RIT2: variants seen among roughly 807,000 people sequenced by gnomAD.
The protein encoded by RIT2 is Ras like without CAAX 2.
RIT2 carries 24 observed loss-of-function variants against 23.7 expected under a neutral mutation model. That is an observed-to-expected ratio of 1.01 (90% confidence interval 0.73 to 1.43). RIT2 has a LOEUF of 1.43. Ranked by LOEUF, RIT2 falls within the 40% of genes most tolerant of loss-of-function variation. The pLI, the probability that RIT2 is intolerant of heterozygous loss-of-function variation, is 0.00. For missense variants in RIT2, 236 were observed against 266.9 expected (o/e 0.88, Z 0.81); for synonymous variants, 107 against 91.1 (o/e 1.17, Z -0.99).
intron 2 of RIT2, among the ~76,000 whole-genome samples, chr18:43,000,981 A>G (rs373920805): frequency 1.3e-5 from 2 of 152,076 alleles, no homozygotes; most frequent in Non-Finnish European, 2.9e-5. Flanking sequence ...AAGCAGAAAT[A>G]TCTGCATTTA....
At chr18:42,921,126 T>C (rs979536562) in intron 4 of RIT2, among the ~76,000 whole-genome samples, 9 of 152,144 alleles carry the variant, frequency 5.9e-5, no homozygotes, top group African/African-American at 2.2e-4. Context: ...GGCTTACAAA[T>C]ACACAGAGTG....
chr18:42,902,692 T>C (rs972051969), intron 4 of RIT2, among the ~76,000 whole-genome samples: 7 of 151,664 alleles, frequency 4.6e-5, no homozygotes, highest in African/African-American at 1.7e-4. Flanking sequence ...TAAATATGTT[T>C]GTGGAAAACT....
chr18:43,090,929 G>A (rs564905867), intron 1 of RIT2, among the ~76,000 whole-genome samples: 163 of 151,950 alleles, frequency 1.1e-3, no homozygotes, highest in African/African-American at 3.1e-3. Flanking sequence ...GGTACTAGAC[G>A]TAATATCTGG....
chr18:42,811,899 G>A (rs963936195), intron 4 of RIT2, among the ~76,000 whole-genome samples: 6 of 152,078 alleles, frequency 3.9e-5, no homozygotes, highest in Admixed American at 1.3e-4. Context: ...TATTTCAAGC[G>A]AGAATTGGGT....
intron 4 of RIT2, among the ~76,000 whole-genome samples, chr18:42,906,859 C>T (rs1252033475): frequency 6.6e-6 from 1 of 152,128 alleles, no homozygotes; most frequent in Non-Finnish European, 1.5e-5. Context: ...TCTTTGTACA[C>T]AACACTCAAG....
At chr18:42,947,066 A>T (rs530511238) in intron 3 of RIT2, among the ~76,000 whole-genome samples, 1 of 152,236 alleles carries the variant, frequency 6.6e-6, no homozygotes, top group African/African-American at 2.4e-5. Flanking sequence ...ATATGTGGAT[A>T]CACTATAGAA....
intron 4 of RIT2, among the ~76,000 whole-genome samples, chr18:42,803,896 A>G (rs1905606730): frequency 6.6e-6 from 1 of 152,224 alleles, no homozygotes. Flanking sequence ...TGGCTAGCAT[A>G]GAACTGGATC....
intron 3 of RIT2, among the ~76,000 whole-genome samples, chr18:42,972,079 A>T (rs763494026): frequency 1.3e-5 from 2 of 151,988 alleles, no homozygotes; most frequent in Non-Finnish European, 2.9e-5. Flanking sequence ...TTCCCAGAGC[A>T]GCCATTTTTT....
chr18:42,965,711 CTTTTTTTTTTTTTT>C (rs58344278), intron 3 of RIT2, among the ~76,000 whole-genome samples: 447 of 37,734 alleles, frequency 0.012, 1 homozygote, highest in African/African-American at 0.04. Context: ...GTACTGATGG[CTTTTTTTTTTTTTT>C]TTTTTTTTTT....
chr18:42,888,960 TC>T (rs1444268443), intron 4 of RIT2, among the ~76,000 whole-genome samples: 3 of 151,956 alleles, frequency 2.0e-5, no homozygotes, highest in Non-Finnish European at 4.4e-5. Flanking sequence ...GGTACTATGC[TC>T]AGTATCAGGG....
chr18:43,085,871 C>T lies in RIT2; in HGVS notation c.103+29546G>A, dbSNP rs114603537. On this transcript the variant is annotated intron_variant, in intron 1 of 4. Coordinates refer to ENST00000326695, the MANE Select transcript of RIT2 (RefSeq NM_002930.4). The stretch of plus-strand genomic sequence containing the variant: ...TGTTCTCATGGTAGTGGACAAGTCT[C>T]ACAGGATCTGATGATTTTATAAATA... Among the ~76,000 whole-genome samples the T allele has an allele frequency of 3.3e-5, 5 of 152,224 alleles. 1 individual carries two copies. The highest frequency in any genetic ancestry group is 1.2e-4 in the African/African-American group (5 of 41,542).
intron 1 of RIT2, among the ~76,000 whole-genome samples, chr18:43,113,239 C>A (rs1913994030): frequency 6.6e-6 from 1 of 152,160 alleles, no homozygotes; most frequent in African/African-American, 2.4e-5. Context: ...ATGATTTTCT[C>A]ACTGTGATTT....
At chr18:42,926,817 G>A (rs938994785) in intron 3 of RIT2, among the ~76,000 whole-genome samples, 6 of 151,906 alleles carry the variant, frequency 3.9e-5, no homozygotes, top group African/African-American at 1.4e-4. Flanking sequence ...CTCTCTGTAT[G>A]AATATATAAC....
intron 2 of RIT2, among the ~76,000 whole-genome samples, chr18:43,019,843 G>A (rs954646314): frequency 1.3e-5 from 2 of 151,450 alleles, no homozygotes; most frequent in Admixed American, 1.3e-4. Flanking sequence ...TAAAGTTGTA[G>A]AATATAAAAT....
At chr18:42,759,760 G>T (rs1227761165) in intron 4 of RIT2, among the ~76,000 whole-genome samples, 7 of 130,690 alleles carry the variant, frequency 5.4e-5, no homozygotes, top group South Asian at 2.6e-4. Flanking sequence ...CACACATACG[G>T]ATATATATAT....
intron 4 of RIT2, among the ~76,000 whole-genome samples, chr18:42,900,093 AC>A (rs1908435098): frequency 6.6e-6 from 1 of 152,066 alleles, no homozygotes; most frequent in Non-Finnish European, 1.5e-5. Flanking sequence ...GTCAATTAGA[AC>A]TTAGAGTACG....
intron 1 of RIT2, among the ~76,000 whole-genome samples, chr18:43,066,079 C>A (rs997764788): frequency 2.0e-5 from 3 of 152,016 alleles, no homozygotes; most frequent in African/African-American, 7.2e-5. Context: ...GGTTTCACAC[C>A]ATAGATTCTA....
intron 2 of RIT2, among the ~76,000 whole-genome samples, chr18:42,980,761 G>A (rs1910581111): frequency 6.6e-6 from 1 of 152,076 alleles, no homozygotes; most frequent in Non-Finnish European, 1.5e-5. Flanking sequence ...AGATTTGCAG[G>A]TACAGAGGAC....
chr18:42,813,320 A>G (rs1257678176), intron 4 of RIT2, among the ~76,000 whole-genome samples: 1 of 152,194 alleles, frequency 6.6e-6, no homozygotes, highest in South Asian at 2.1e-4. Flanking sequence ...AAGAATTCCA[A>G]TAATAGGCCA....
Sources: gnomAD v4.1 joint callset for allele counts (sites outside exome capture counted in the v4.1 genomes callset) on GRCh38, gnomAD v4.1.1 for gene constraint, MANE v1.5 for transcripts, NCBI Gene and HGNC (gene_info 2026-07-23, HGNC 2026-07-21) for gene names.